MAOB: variants seen among roughly 807,000 people sequenced by gnomAD.
MAOB encodes the protein amine oxidase [flavin-containing] B.
A neutral mutation model predicts 41.9 loss-of-function variants in MAOB; 15 were observed. That is an observed-to-expected ratio of 0.36 (90% CI 0.24 to 0.55). The LOEUF (loss-of-function observed/expected upper bound fraction) is 0.55. Ranked by LOEUF, MAOB falls within the 20% of genes least tolerant of loss-of-function variation. The probability of loss-of-function intolerance (pLI) is 0.86; values close to 1 mark genes in which losing one functional copy is unlikely to be tolerated. For missense variants in MAOB, 345 were observed against 398.7 expected (o/e 0.87, Z 1.15); for synonymous variants, 167 against 144.2 (o/e 1.16, Z -1.13).
chrX:43,875,480 C>T (rs962199569), intron 1 of MAOB, among the ~76,000 whole-genome samples: 5 of 111,946 alleles, frequency 4.5e-5, no homozygotes, highest in Non-Finnish European at 9.4e-5. Flanking sequence ...ATGGCCTCCT[C>T]TTAGGGGAAA....
chrX:43,863,372 A>G (rs189760816), intron 1 of MAOB, among the ~76,000 whole-genome samples: 197 of 111,694 alleles, frequency 1.8e-3, no homozygotes, highest in African/African-American at 5.6e-3. Context: ...AAATGCTTAT[A>G]ATAGAAAATC....
intron 1 of MAOB, among the ~76,000 whole-genome samples, chrX:43,848,109 T>G (rs1443674350): frequency 8.9e-6 from 1 of 111,909 alleles, no homozygotes; most frequent in Non-Finnish European, 1.9e-5. Flanking sequence ...TTTAGTTTTT[T>G]GCCAAGAAAA....
At chrX:43,833,882 T>A (rs1008438268) in intron 3 of MAOB, among the ~76,000 whole-genome samples, 1 of 112,094 alleles carries the variant, frequency 8.9e-6, no homozygotes, top group Non-Finnish European at 1.9e-5. Flanking sequence ...AAAGGCATAA[T>A]TTTCAGCAAA....
Position 43,803,355 on chromosome X carries a change from A to G in MAOB, c.329T>C (p.Ile110Thr). The G allele has an allele frequency of 8.5e-7, 1 of 1,171,712 alleles. No homozygotes were observed. The highest frequency in any genetic ancestry group is 1.1e-6 in the Non-Finnish European group (1 of 880,956). The change falls in exon 4 of 15, where the codon ATT becomes ACT. Residue 110 changes from isoleucine to threonine, a missense_variant. Physicochemically the swap from Ile to Thr is moderately conservative, Grantham distance 89 (BLOSUM62 -1). Transcript: ENST00000378069. ...RGPFPPVWNP[I>T]TYLDHNNFWR... is the part of the protein sequence containing the mutation. ...AAAGTTGTTATGATCTAAGTAGGTAATTGGATTCCATACAGGTGGGAATGG... is the reference window on the plus strand; with the variant it reads ...AAAGTTGTTATGATCTAAGTAGGTAGTTGGATTCCATACAGGTGGGAATGG...
At chrX:43,781,984 A>G (rs1189845525) in intron 8 of MAOB, among the ~76,000 whole-genome samples, 1 of 112,220 alleles carries the variant, frequency 8.9e-6, no homozygotes, top group East Asian at 2.8e-4. Context: ...TATTATCTGG[A>G]GGCAGTGTTT....
At chrX:43,859,928 A>T (rs370863867) in intron 1 of MAOB, among the ~76,000 whole-genome samples, 1 of 111,727 alleles carries the variant, frequency 9.0e-6, no homozygotes, top group African/African-American at 3.3e-5. Context: ...TCAGACTTTC[A>T]TCTCTACTAT....
chrX:43,857,114 T>TAG (rs2035298664), intron 1 of MAOB, among the ~76,000 whole-genome samples: 7 of 11,471 alleles, frequency 6.1e-4, no homozygotes, highest in Non-Finnish European at 1.0e-3. Context: ...TATATATATA[T>TAG]ATAGAGAGAG....
intron 1 of MAOB, among the ~76,000 whole-genome samples, chrX:43,865,420 G>A (rs971496375): frequency 2.7e-5 from 3 of 111,881 alleles, no homozygotes; most frequent in Non-Finnish European, 5.6e-5. Context: ...GATGGGGAAT[G>A]AGGAATGACT....
In MAOB at chrX:43,776,554, C is replaced by CA. The variant is rs1555955535; in HGVS notation, c.1138-1283_1138-1282insT. 4.7e-5 allele frequency among the ~76,000 whole-genome samples: 5 copies of CA among 106,904 alleles called. No individual in the cohort carries two copies. The East Asian group carries it at 8.9e-4, about 19-fold the overall frequency. The allele number at this position is 106,904 out of a possible 115,157, so 92.8% of individuals were successfully genotyped here. The stretch of plus-strand genomic sequence containing the variant: ...TACCAGGGTGAAATATCTTGAATGG[C>CA]TTTTTTTTTTAAATCAACTCCACAC... On this transcript the variant is annotated intron_variant, in intron 11 of 14. Transcript: ENST00000378069.
chrX:43,825,975 C>G (rs1198801973), intron 3 of MAOB, among the ~76,000 whole-genome samples: 2 of 111,733 alleles, frequency 1.8e-5, no homozygotes, highest in East Asian at 2.8e-4. Flanking sequence ...TTGATTGTGC[C>G]TGTTACTGCA....
rs2034142413 is a variant in MAOB at position 43,768,730 on chromosome X, A to G, written c.1348-14T>C. The G allele has an allele frequency of 5.9e-6, 7 of 1,185,580 alleles. No individual in the cohort carries two copies. Among genetic ancestry groups the G allele is most frequent in the Non-Finnish European group, 8.0e-6 (7 of 871,937 alleles). ...GGCATGCAGGATCTGAAATGAAAGA[A>G]CACACTGGCAAATAGCAAAAGTGAC... On this transcript the variant is annotated splice_polypyrimidine_tract_variant and intron_variant, in intron 13 of 14. Transcript: ENST00000378069.
chrX:43,805,209 A>G (rs1223329580), intron 3 of MAOB, among the ~76,000 whole-genome samples: 2 of 111,601 alleles, frequency 1.8e-5, no homozygotes, highest in Non-Finnish European at 3.8e-5. Flanking sequence ...CAAGACTACA[A>G]TACATTGTTT....
At chrX:43,795,131 C>T (rs906736905) in intron 7 of MAOB, among the ~76,000 whole-genome samples, 1 of 111,190 alleles carries the variant, frequency 9.0e-6, no homozygotes, top group Non-Finnish European at 1.9e-5. Context: ...CCAAGACTGT[C>T]CCCCACCTTC....
At chrX:43,878,108 G>A (rs192139154) in intron 1 of MAOB, among the ~76,000 whole-genome samples, 2 of 111,736 alleles carry the variant, frequency 1.8e-5, no homozygotes, top group African/African-American at 3.2e-5. Context: ...AGCCGGCCAG[G>A]AAGGCATTAT....
intron 1 of MAOB, among the ~76,000 whole-genome samples, chrX:43,862,964 C>A: frequency 8.9e-6 from 1 of 111,764 alleles, no homozygotes; most frequent in East Asian, 2.8e-4. Flanking sequence ...CCATTTTTCA[C>A]CTCCCAAGTT....
chrX:43,820,704 G>A (rs1342382996), intron 3 of MAOB, among the ~76,000 whole-genome samples: 1 of 111,941 alleles, frequency 8.9e-6, no homozygotes, highest in East Asian at 2.8e-4. Context: ...GCAACAAACT[G>A]GGCCTCTGTA....
intron 2 of MAOB, 31 bp from the exon 3 acceptor site, chrX:43,839,036 A>G: frequency 9.2e-7 from 1 of 1,081,435 alleles, no homozygotes; most frequent in Non-Finnish European, 1.2e-6. Flanking sequence ...ATTAAAAAAA[A>G]TTTGTAAAAA....
At chrX:43,818,787 C>T (rs2034848137) in intron 3 of MAOB, among the ~76,000 whole-genome samples, 2 of 111,708 alleles carry the variant, frequency 1.8e-5, no homozygotes, top group Non-Finnish European at 3.8e-5. Context: ...AAGAAATACA[C>T]TGAAGAAGCG....
intron 13 of MAOB, 151 bp downstream of exon 13, chrX:43,769,156 C>G (rs2034148866): frequency 2.2e-6 from 2 of 918,031 alleles, no homozygotes; most frequent in Non-Finnish European, 2.8e-6. Context: ...AAGGTGTTCA[C>G]TTCACCTGAG....
Sources: gnomAD v4.1 joint callset for allele counts (sites outside exome capture counted in the v4.1 genomes callset) on GRCh38, gnomAD v4.1.1 for gene constraint, MANE v1.5 for transcripts, NCBI Gene and HGNC (gene_info 2026-07-23, HGNC 2026-07-21) for gene names.